AGFG1: variants seen among roughly 807,000 people sequenced by gnomAD.
AGFG1 encodes the protein arf-GAP domain and FG repeat-containing protein 1.
Under a neutral mutation model 60.6 loss-of-function variants are expected in AGFG1, and 10 were observed. That is an observed-to-expected ratio of 0.16 (90% CI 0.10 to 0.28). AGFG1 has a LOEUF of 0.28. Ranked by LOEUF, AGFG1 falls within the 10% of genes least tolerant of loss-of-function variation. The pLI, the probability that AGFG1 is intolerant of heterozygous loss-of-function variation, is 1.00. For missense variants in AGFG1, 537 were observed against 676.5 expected, an observed-to-expected ratio of 0.79 and a Z score of 2.29; for synonymous variants, 247 against 242.9, an observed-to-expected ratio of 1.02 and a Z score of -0.16.
intron 1 of AGFG1, among the ~76,000 whole-genome samples, chr2:227,490,964 A>G (rs1197738364): frequency 6.6e-6 from 1 of 152,144 alleles, no homozygotes; most frequent in African/African-American, 2.4e-5. Context: ...TCTTGTACAC[A>G]CTGTCTTTTG....
intron 12 of AGFG1, 88 bp downstream of exon 12, chr2:227,553,883 G>T (rs1226283847): frequency 1.0e-6 from 1 of 970,608 alleles, no homozygotes; most frequent in Non-Finnish European, 1.6e-6. Context: ...TTCCTAGATG[G>T]TATTTGGTGT....
chr2:227,536,763 G>A (rs1692327484), intron 9 of AGFG1, 59 bp downstream of exon 9: 1 of 1,585,394 alleles, frequency 6.3e-7, no homozygotes, highest in African/African-American at 1.3e-5. Flanking sequence ...ATATTGTGTA[G>A]CATTTTCTTA....
chr2:227,473,473 G>A (rs1467585841), intron 1 of AGFG1, among the ~76,000 whole-genome samples: 1 of 152,164 alleles, frequency 6.6e-6, no homozygotes, highest in Non-Finnish European at 1.5e-5. Context: ...AGGAGAGCTA[G>A]CAAGTCACCA....
intron 10 of AGFG1, among the ~76,000 whole-genome samples, chr2:227,543,898 C>T (rs1228105232): frequency 1.3e-5 from 2 of 152,138 alleles, no homozygotes; most frequent in Non-Finnish European, 1.5e-5. Flanking sequence ...TGATCCTCTT[C>T]TTGTTGAATT....
intron 2 of AGFG1, among the ~76,000 whole-genome samples, chr2:227,492,043 T>G (rs531652261): frequency 3.9e-4 from 60 of 152,144 alleles, no homozygotes; most frequent in African/African-American, 1.3e-3. Flanking sequence ...TTTTCGTAAA[T>G]TTTTAACTTT....
At chr2:227,486,304 A>G (rs1690636719) in intron 1 of AGFG1, among the ~76,000 whole-genome samples, 3 of 152,134 alleles carry the variant, frequency 2.0e-5, no homozygotes, top group South Asian at 2.1e-4. Flanking sequence ...GAAAAGTTCA[A>G]TAGTATGTTA....
intron 1 of AGFG1, among the ~76,000 whole-genome samples, chr2:227,489,621 T>A (rs1238396357): frequency 6.6e-6 from 1 of 152,116 alleles, no homozygotes; most frequent in Non-Finnish European, 1.5e-5. Flanking sequence ...AAAATGAGTA[T>A]AAAATTTAAA....
intron 10 of AGFG1, among the ~76,000 whole-genome samples, chr2:227,547,828 G>A (rs1289192865): frequency 1.3e-5 from 2 of 152,180 alleles, no homozygotes; most frequent in Non-Finnish European, 2.9e-5. Flanking sequence ...ACCTAACAGA[G>A]TGCCACTATT....
At position 227,534,880 on chromosome 2, in the gene AGFG1, A is replaced by G. The variant is rs775466481; in HGVS notation, c.1060A>G (p.Lys354Glu). The G allele has an allele frequency of 1.9e-6, 3 of 1,613,820 alleles. No individual in the cohort carries two copies. The highest frequency in any genetic ancestry group is 3.3e-5 in the Admixed American group (2 of 59,978). ...GGGAAGTGGCTTTGGGACCACAGGT[A>G]AAGCTCCTGTTGGTTCTGTGGTTTC... ...DQGSGFGTTGKAPVGSVVSVP... is the reference protein window; with the variant it reads ...DQGSGFGTTGEAPVGSVVSVP... Residue 354 changes from lysine (K) to glutamate (E), a missense_variant, in exon 8 of 13, where the codon AAA becomes GAA. Lys to Glu is a moderately conservative substitution (Grantham distance 56). This residue lies in a region of AGFG1 where 287 missense variants were observed against 343.6 expected (regional missense o/e 0.84). Transcript: ENST00000310078.
At chr2:227,482,534 C>T (rs13402684) in intron 1 of AGFG1, among the ~76,000 whole-genome samples, 1,633 of 152,210 alleles carry the variant, frequency 0.011, 24 homozygotes, top group African/African-American at 0.038. Flanking sequence ...TAGTAAATAA[C>T]TAGGATGGGC....
intron 5 of AGFG1, among the ~76,000 whole-genome samples, chr2:227,525,736 TG>T (rs1190044722): frequency 3.3e-5 from 5 of 152,260 alleles, no homozygotes; most frequent in Non-Finnish European, 7.3e-5. Context: ...ATTAGGTTGT[TG>T]GATCCAGAGA....
intron 10 of AGFG1, among the ~76,000 whole-genome samples, chr2:227,545,913 G>A (rs1285374488): frequency 6.6e-6 from 1 of 152,218 alleles, no homozygotes; most frequent in African/African-American, 2.4e-5. Flanking sequence ...ACTGGGAGGT[G>A]TCTCCCAGTT....
chr2:227,553,544 T>G lies in AGFG1; in HGVS notation c.1538-160T>G, dbSNP rs565056841. Reference sequence around the variant, plus strand: ...TTTAAGACATGCTACAGTAAGTTTGTCTTTGGTATCTGAAAGAGCTTGAGG... The same window carrying G: ...TTTAAGACATGCTACAGTAAGTTTGGCTTTGGTATCTGAAAGAGCTTGAGG... On this transcript the variant is annotated intron_variant, in intron 11 of 12. Coordinates refer to ENST00000310078, the MANE Select transcript of AGFG1 (RefSeq NM_004504.5). Among the ~76,000 whole-genome samples, 8 of 151,930 alleles carry G rather than the reference T, an allele frequency of 5.3e-5. No homozygotes were observed. The East Asian group carries it at 1.5e-3, about 29-fold the overall frequency.
intron 1 of AGFG1, among the ~76,000 whole-genome samples, chr2:227,478,381 C>T (rs1246047566): frequency 2.0e-5 from 3 of 151,834 alleles, no homozygotes; most frequent in African/African-American, 7.3e-5. Context: ...CTCACTCTGT[C>T]GCCCAGGCTG....
At chr2:227,506,443 C>G (rs1000341564) in intron 2 of AGFG1, among the ~76,000 whole-genome samples, 2 of 151,530 alleles carry the variant, frequency 1.3e-5, no homozygotes, top group Non-Finnish European at 2.9e-5. Flanking sequence ...CCCTCACTTT[C>G]CAGTTGCTAT....
intron 6 of AGFG1, among the ~76,000 whole-genome samples, chr2:227,531,805 C>A (rs1405718500): frequency 6.6e-6 from 1 of 152,056 alleles, no homozygotes; most frequent in East Asian, 1.9e-4. Flanking sequence ...ATAAAGGAAG[C>A]TGGTTGCTTC....
chr2:227,477,377 G>A (rs1353365015), intron 1 of AGFG1, among the ~76,000 whole-genome samples: 3 of 152,118 alleles, frequency 2.0e-5, no homozygotes, highest in Non-Finnish European at 4.4e-5. Flanking sequence ...ATGTGAGGAA[G>A]GTACTATTAT....
intron 10 of AGFG1, among the ~76,000 whole-genome samples, chr2:227,542,891 G>A (rs1692534519): frequency 7.3e-6 from 1 of 136,386 alleles, no homozygotes; most frequent in Non-Finnish European, 1.6e-5. Context: ...AGAGGGTGTT[G>A]TATGTGTCCA....
At chr2:227,472,904 G>T (rs1357961582) in intron 1 of AGFG1, among the ~76,000 whole-genome samples, 3 of 151,518 alleles carry the variant, frequency 2.0e-5, no homozygotes, top group African/African-American at 7.3e-5. Flanking sequence ...CCTGGTCTCC[G>T]TCGAGCCTGC....
Sources: gnomAD v4.1 joint callset for allele counts (sites outside exome capture counted in the v4.1 genomes callset) on GRCh38, gnomAD v4.1.1 for gene constraint, gnomAD v4.1.1 regional missense constraint, MANE v1.5 for transcripts, NCBI Gene and HGNC (gene_info 2026-07-23, HGNC 2026-07-21) for gene names.